LRRC2: variants seen among roughly 807,000 people sequenced by gnomAD.
LRRC2 encodes the protein leucine rich repeat containing 2.
Under a neutral mutation model 40.2 loss-of-function variants are expected in LRRC2, and 27 were observed. The ratio of observed to expected loss-of-function variants is 0.67; its 90% CI spans 0.49 to 0.93. LRRC2 has a LOEUF of 0.93. Among genes scored for constraint, LRRC2 ranks in the 40% least tolerant of loss-of-function variants. The pLI, the probability that LRRC2 is intolerant of heterozygous loss-of-function variation, is 0.00. For synonymous variants in LRRC2, 147 were observed against 158.9 expected, an observed-to-expected ratio of 0.92 and a Z score of 0.56; for missense variants, 402 against 439.6, an observed-to-expected ratio of 0.91 and a Z score of 0.76.
chr3:46,558,629 C>G (rs1704866633), intron 1 of LRRC2: 1 of 152,246 alleles, frequency 6.6e-6, no homozygotes, highest in African/African-American at 2.4e-5. Flanking sequence ...CAAATTCCTC[C>G]CTCTCTGTGA....
At chr3:46,535,130 A>C (rs1399943469) in intron 4 of LRRC2, among the ~76,000 whole-genome samples, 1 of 152,246 alleles carries the variant, frequency 6.6e-6, no homozygotes, top group Admixed American at 6.5e-5. Flanking sequence ...CATGTTAATA[A>C]CTCAGAGTAT....
intron 3 of LRRC2, among the ~76,000 whole-genome samples, chr3:46,544,665 T>G (rs1704485722): frequency 6.6e-6 from 1 of 152,230 alleles, no homozygotes; most frequent in Admixed American, 6.5e-5. Flanking sequence ...TCTGCAGAAA[T>G]TCCTTTGCTG....
At chr3:46,528,223 A>G (rs997240014) in intron 6 of LRRC2, among the ~76,000 whole-genome samples, 2 of 152,158 alleles carry the variant, frequency 1.3e-5, no homozygotes, top group African/African-American at 4.8e-5. Context: ...TTAACAGAGC[A>G]TGGGAAGGCA....
chr3:46,555,119 A>G (rs1319897965), intron 1 of LRRC2, among the ~76,000 whole-genome samples: 1 of 152,160 alleles, frequency 6.6e-6, no homozygotes, highest in African/African-American at 2.4e-5. Context: ...AAGTTGCAAT[A>G]GTACTTTATA....
At chr3:46,537,330 G>A (rs924580568) in intron 4 of LRRC2, among the ~76,000 whole-genome samples, 20 of 152,108 alleles carry the variant, frequency 1.3e-4, no homozygotes, top group Non-Finnish European at 1.5e-5. Flanking sequence ...AAACTCCTAG[G>A]CTCAAGTGAT....
At chr3:46,549,178 G>T (rs1320565298) in intron 2 of LRRC2, among the ~76,000 whole-genome samples, 1 of 152,184 alleles carries the variant, frequency 6.6e-6, no homozygotes, top group African/African-American at 2.4e-5. Flanking sequence ...AACAGAACAA[G>T]CTAGGAGGTT....
At chr3:46,541,787 C>G (rs1704398163) in intron 3 of LRRC2, among the ~76,000 whole-genome samples, 1 of 152,118 alleles carries the variant, frequency 6.6e-6, no homozygotes, top group South Asian at 2.1e-4. Flanking sequence ...ACAGCAATTA[C>G]CTCTGCTCCC....
chr3:46,556,327 A>G (rs948608823), intron 1 of LRRC2, among the ~76,000 whole-genome samples: 4 of 151,914 alleles, frequency 2.6e-5, no homozygotes, highest in African/African-American at 4.8e-5. Flanking sequence ...AGGTCTCACT[A>G]TGTTGCCCAG....
intron 2 of LRRC2, among the ~76,000 whole-genome samples, chr3:46,546,016 T>A (rs1028318111): frequency 1.3e-5 from 2 of 152,198 alleles, no homozygotes; most frequent in African/African-American, 4.8e-5. Flanking sequence ...ACAGATGTTG[T>A]CTGACTCAAA....
In LRRC2 at chr3:46,517,964, G is replaced by C. The variant is rs1703895277; in HGVS notation, c.*1050C>G. The C allele has an allele frequency of 6.6e-6, 1 of 152,340 alleles. No homozygotes were observed. Among genetic ancestry groups the C allele is most frequent in the African/African-American group, 2.4e-5 (1 of 41,438 alleles). 9.4% of individuals were successfully genotyped at this position (152,340 alleles called of 1,614,324 possible). The stretch of plus-strand genomic sequence containing the variant: ...GCCATCTTGGAGGAAGGGACCCTGA[G>C]GGCGTTGCCTTTGCTCTTTACTGAG... On this transcript the variant is annotated 3_prime_UTR_variant, in exon 9 of 9. Transcript: ENST00000395905.
chr3:46,523,767 T>C (rs559703203), intron 7 of LRRC2, among the ~76,000 whole-genome samples: 1 of 149,516 alleles, frequency 6.7e-6, no homozygotes, highest in East Asian at 2.0e-4. Flanking sequence ...ATCCACCCAT[T>C]TATCCACCCA....
At chr3:46,551,146 A>C in intron 2 of LRRC2, 1 of 177,966 alleles carries the variant, frequency 5.6e-6, no homozygotes, top group Non-Finnish European at 1.2e-5. Context: ...AGCGCCAGAC[A>C]GCCTAGTGAG....
At chr3:46,551,894 G>A (rs926831459) in intron 1 of LRRC2, among the ~76,000 whole-genome samples, 1 of 151,610 alleles carries the variant, frequency 6.6e-6, no homozygotes, top group East Asian at 1.9e-4. Context: ...TCAACCTCCT[G>A]GGCTCAGGCA....
chr3:46,538,484 T>A (rs1704312502), intron 4 of LRRC2, among the ~76,000 whole-genome samples: 1 of 150,066 alleles, frequency 6.7e-6, no homozygotes. Flanking sequence ...AAAAAAAAAA[T>A]ACAAAATCAG....
At chr3:46,551,388 T>C (rs757482640) in intron 2 of LRRC2, 79 bp downstream of exon 2, 315 of 1,519,816 alleles carry the variant, frequency 2.1e-4, no homozygotes, top group Middle Eastern at 1.0e-3. Context: ...AAAAGCATCC[T>C]CCTCCACAAC....
chr3:46,556,436 C>A (rs563538949), intron 1 of LRRC2, among the ~76,000 whole-genome samples: 21 of 151,852 alleles, frequency 1.4e-4, no homozygotes, highest in Non-Finnish European at 2.5e-4. Context: ...AAAATTTTTT[C>A]GTCTTTGGGT....
intron 3 of LRRC2, among the ~76,000 whole-genome samples, chr3:46,541,371 G>A (rs1336890537): frequency 6.6e-6 from 1 of 151,546 alleles, no homozygotes; most frequent in African/African-American, 2.4e-5. Context: ...AAAATATTAG[G>A]ATATCAAATG....
At chr3:46,536,031 C>T (rs942055504) in intron 4 of LRRC2, among the ~76,000 whole-genome samples, 4 of 152,272 alleles carry the variant, frequency 2.6e-5, no homozygotes, top group Non-Finnish European at 2.9e-5. Context: ...AGTCCACCTC[C>T]GCCTTCATGG....
chr3:46,520,926 A>G (rs1289026329), intron 8 of LRRC2, among the ~76,000 whole-genome samples: 1 of 152,182 alleles, frequency 6.6e-6, no homozygotes, highest in Non-Finnish European at 1.5e-5. Context: ...CCAGAACACC[A>G]TTAGGATCTC....
Sources: gnomAD v4.1 joint callset for allele counts (sites outside exome capture counted in the v4.1 genomes callset) on GRCh38, gnomAD v4.1.1 for gene constraint, MANE v1.5 for transcripts, NCBI Gene and HGNC (gene_info 2026-07-23, HGNC 2026-07-21) for gene names.